AFDN: variants seen among roughly 807,000 people sequenced by gnomAD.
AFDN encodes the protein afadin, adherens junction formation factor.
A neutral mutation model predicts 216.6 loss-of-function variants in AFDN; 68 were observed. The ratio of observed to expected loss-of-function variants is 0.31; its 90% CI spans 0.26 to 0.38. The LOEUF (loss-of-function observed/expected upper bound fraction) is 0.38. Among genes scored for constraint, AFDN ranks in the 10% least tolerant of loss-of-function variants. The probability of loss-of-function intolerance (pLI) is 1.00; values close to 1 mark genes in which losing one functional copy is unlikely to be tolerated. For missense variants in AFDN, 2,136 were observed against 2,342.0 expected, an observed-to-expected ratio of 0.91 and a Z score of 1.82; for synonymous variants, 868 against 853.7, an observed-to-expected ratio of 1.02 and a Z score of -0.29.
chr6:167,902,495 A>C, intron 12 of AFDN, 109 bp downstream of exon 12: 1 of 772,010 alleles, frequency 1.3e-6, no homozygotes. Flanking sequence ...GATGTGTTCC[A>C]AGACCACCAG....
intron 5 of AFDN, among the ~76,000 whole-genome samples, chr6:167,878,586 ACTCTCTCT>A: frequency 7.2e-6 from 1 of 139,530 alleles, no homozygotes; most frequent in Non-Finnish European, 1.6e-5. Context: ...ACACACACCC[ACTCTCTCT>A]CTCTCTCTCT....
Position 167,962,002 on chromosome 6 carries a change from A to G in AFDN, c.4834-431A>G, listed in dbSNP as rs545365732. On this transcript the variant is annotated intron_variant, in intron 30 of 33. Transcript: ENST00000683244. The surrounding 1 kb of genome is among the most constrained non-coding windows in gnomAD (Gnocchi z 5.2). ...CGAGTGGGGGCCTCCCTCTTCTACA[A>G]GATATTCGTAGTGGAAATTAAAAAG... Among the ~76,000 whole-genome samples the G allele has an allele frequency of 5.9e-3, 906 of 152,276 alleles. 12 individuals are homozygous for G. The highest frequency in any genetic ancestry group is 0.019 in the African/African-American group (805 of 41,556).
At chr6:167,846,326 G>A (rs1350515410) in intron 1 of AFDN, among the ~76,000 whole-genome samples, 1 of 152,022 alleles carries the variant, frequency 6.6e-6, no homozygotes, top group African/African-American at 2.4e-5. Flanking sequence ...GACTAGTTTA[G>A]ATGTTTTAAG....
chr6:167,838,997 T>G (rs1357343854), intron 1 of AFDN, among the ~76,000 whole-genome samples: 1 of 152,214 alleles, frequency 6.6e-6, no homozygotes, highest in Admixed American at 6.5e-5. Flanking sequence ...AGCGTTTGCC[T>G]TTAGATTCTT....
intron 23 of AFDN, among the ~76,000 whole-genome samples, chr6:167,942,866 T>C (rs1468731840): frequency 2.0e-5 from 3 of 152,246 alleles, no homozygotes; most frequent in Non-Finnish European, 2.9e-5. Context: ...AGGTAGTTTT[T>C]AGTTTGCTTA....
At chr6:167,921,567 C>T (rs1011139667) in intron 21 of AFDN, among the ~76,000 whole-genome samples, 6 of 152,016 alleles carry the variant, frequency 3.9e-5, no homozygotes, top group South Asian at 2.1e-4. Flanking sequence ...AAAGACTGTA[C>T]GACCAGCCTG....
chr6:167,932,480 C>T (rs916110224), intron 23 of AFDN: 7 of 152,104 alleles, frequency 4.6e-5, no homozygotes, highest in Non-Finnish European at 1.0e-4. Flanking sequence ...TTTTATTTTT[C>T]TAAGTCTTTT....
At position 167,880,478 on chromosome 6, in the gene AFDN, T is replaced by C. The variant is rs1271631102; in HGVS notation, c.858T>C (p.Gly286=). ...TGGCTGAAGCTTTAGAGAAGTATGG[T>C]CTGGAAAAAGAAAACCCTAAGGATT... ...FAVAEALEKY[G]LEKENPKDYC... The change falls in exon 6 of 34, where the codon GGT becomes GGC. Residue 286 remains glycine, a synonymous_variant. Coordinates refer to ENST00000683244, the MANE Select transcript of AFDN (RefSeq NM_001386888.1). 6.8e-6 allele frequency: 11 copies of C among 1,613,714 alleles called. No homozygotes were observed. The South Asian group carries it at 1.1e-4, about 16-fold the overall frequency.
upstream of AFDN, chr6:167,826,601 C>G (rs1583046927): frequency 3.8e-6 from 2 of 523,148 alleles, no homozygotes; most frequent in East Asian, 1.1e-4. Context: ...ACAGCACCAC[C>G]CATCGGACCC....
chr6:167,919,188 A>G (rs1412221701), intron 21 of AFDN, among the ~76,000 whole-genome samples: 1 of 152,176 alleles, frequency 6.6e-6, no homozygotes, highest in East Asian at 1.9e-4. Flanking sequence ...TCATGGTTAC[A>G]TTTTCTGCCT....
intron 1 of AFDN, among the ~76,000 whole-genome samples, chr6:167,845,395 T>G (rs1163531521): frequency 6.6e-6 from 1 of 152,160 alleles, no homozygotes; most frequent in Non-Finnish European, 1.5e-5. Flanking sequence ...TTTCTTTTTC[T>G]TTTCTTTTCT....
chr6:167,905,620 C>T (rs1248032073), intron 12 of AFDN, among the ~76,000 whole-genome samples: 1 of 151,458 alleles, frequency 6.6e-6, no homozygotes, highest in Non-Finnish European at 1.5e-5. Flanking sequence ...CTTTCTTCAG[C>T]TGTTACTCTG....
At chr6:167,964,432 C>G (rs1189591315) in intron 31 of AFDN, 1 of 1,064,990 alleles carries the variant, frequency 9.4e-7, no homozygotes, top group African/African-American at 1.6e-5. Flanking sequence ...TGGTTTATTC[C>G]TCACTCCAAG....
intron 26 of AFDN, among the ~76,000 whole-genome samples, chr6:167,945,881 A>G (rs1180740715): frequency 6.6e-6 from 1 of 152,248 alleles, no homozygotes; most frequent in Non-Finnish European, 1.5e-5. Context: ...TGTGATTCAT[A>G]GCACAACTTG....
At chr6:167,936,620 G>A (rs1012276219) in intron 23 of AFDN, among the ~76,000 whole-genome samples, 8 of 152,004 alleles carry the variant, frequency 5.3e-5, no homozygotes, top group African/African-American at 1.9e-4. Flanking sequence ...AAATGAAGGG[G>A]GGTAGGTAGT....
intron 21 of AFDN, among the ~76,000 whole-genome samples, chr6:167,920,718 A>G (rs1791678864): frequency 6.6e-6 from 1 of 152,088 alleles, no homozygotes; most frequent in African/African-American, 2.4e-5. Flanking sequence ...AAATACGCAC[A>G]CTATAGATGT....
At chr6:167,884,933 T>C (rs923696794) in intron 6 of AFDN, among the ~76,000 whole-genome samples, 5 of 152,192 alleles carry the variant, frequency 3.3e-5, no homozygotes, top group African/African-American at 1.2e-4. Context: ...AAATCTGTTA[T>C]TTAGTGTAGT....
chr6:167,897,248 A>G (rs576285001), intron 10 of AFDN, among the ~76,000 whole-genome samples: 4 of 152,336 alleles, frequency 2.6e-5, no homozygotes, highest in African/African-American at 9.6e-5. Context: ...TGATACTTTT[A>G]TAGGTCTATT....
At chr6:167,872,093 C>G (rs113165856) in intron 3 of AFDN, 121 bp from the exon 4 acceptor site, 33,092 of 895,956 alleles carry the variant, frequency 0.037, 844 homozygotes, top group Admixed American at 0.093. Context: ...CCAGACCTTC[C>G]TGTGTTTCAG....
Sources: gnomAD v4.1 joint callset for allele counts (sites outside exome capture counted in the v4.1 genomes callset) on GRCh38, gnomAD v4.1.1 for gene constraint, Gnocchi (gnomAD v3.1) non-coding constraint, MANE v1.5 for transcripts, NCBI Gene and HGNC (gene_info 2026-07-23, HGNC 2026-07-21) for gene names.